GLIS1: variants seen among roughly 807,000 people sequenced by gnomAD.
GLIS1 encodes zinc finger protein GLIS1.
A neutral mutation model predicts 63.8 loss-of-function variants in GLIS1; 24 were observed. The observed-to-expected ratio is 0.38, with a 90% CI of 0.27 to 0.53. The LOEUF is 0.53. GLIS1 is among the 20% of genes least tolerant of loss of function. The pLI is 0.85. For missense variants in GLIS1, 1,036 were observed against 1,074.1 expected (o/e 0.96, Z 0.50); for synonymous variants, 450 against 482.5 (o/e 0.93, Z 0.88).
chr1:53,706,881 C>T (rs1016331444), intron 2 of GLIS1, among the ~76,000 whole-genome samples: 1 of 152,176 alleles, frequency 6.6e-6, no homozygotes, highest in African/African-American at 2.4e-5. Flanking sequence ...AATAGGGAAG[C>T]TGGGGCTGGT....
At chr1:53,663,938 G>GC (rs1189234172) in intron 2 of GLIS1, among the ~76,000 whole-genome samples, 5 of 144,366 alleles carry the variant, frequency 3.5e-5, no homozygotes, top group Non-Finnish European at 1.6e-5. Flanking sequence ...GGAAAGACTA[G>GC]CCGGGGGGCT....
intron 2 of GLIS1, among the ~76,000 whole-genome samples, chr1:53,726,494 T>G (rs1329115028): frequency 6.6e-6 from 1 of 152,140 alleles, no homozygotes; most frequent in Non-Finnish European, 1.5e-5. Flanking sequence ...ATCTTAGGTT[T>G]TAAGAGGAAG....
At chr1:53,527,598 C>G (rs1209404165) in intron 5 of GLIS1, among the ~76,000 whole-genome samples, 1 of 152,232 alleles carries the variant, frequency 6.6e-6, no homozygotes, top group Non-Finnish European at 1.5e-5. Flanking sequence ...ACTTTCCCGC[C>G]CATGGAGAGA....
chr1:53,635,073 A>T (rs79948486), intron 2 of GLIS1, among the ~76,000 whole-genome samples: 8 of 151,860 alleles, frequency 5.3e-5, no homozygotes, highest in Non-Finnish European at 1.0e-4. Context: ...TTTTTTTTTA[A>T]TTCTTTTTTC....
chr1:53,618,937 A>T (rs188604141), intron 2 of GLIS1, among the ~76,000 whole-genome samples: 17 of 152,338 alleles, frequency 1.1e-4, no homozygotes, highest in Admixed American at 2.6e-4. Flanking sequence ...CTTAGGCAGC[A>T]ACCAGACCCT....
At chr1:53,731,992 C>T (rs369093457) in intron 2 of GLIS1, among the ~76,000 whole-genome samples, 27 of 152,336 alleles carry the variant, frequency 1.8e-4, no homozygotes, top group African/African-American at 4.8e-4. Flanking sequence ...GCACAGGGCA[C>T]GGCCCACTTG....
chr1:53,542,815 G>C (rs3889185), intron 4 of GLIS1, among the ~76,000 whole-genome samples: 30,827 of 152,200 alleles, frequency 0.2, 3,514 homozygotes, highest in South Asian at 0.33. Context: ...CAAGGCCCAG[G>C]CTACCTGGGG....
chr1:53,730,088 C>CT (rs1458894044), intron 2 of GLIS1, among the ~76,000 whole-genome samples: 1 of 152,108 alleles, frequency 6.6e-6, no homozygotes, highest in East Asian at 1.9e-4. Context: ...ACTGCTGAAG[C>CT]TACTTAACCA....
At position 53,602,584 on chromosome 1, in the gene GLIS1, G is replaced by T. The variant is rs55982730; in HGVS notation, c.260-2306C>A. 3.7e-3 allele frequency among the ~76,000 whole-genome samples: 560 copies of T among 152,260 alleles called. 2 individuals are homozygous for T. Among genetic ancestry groups the T allele is most frequent in the Non-Finnish European group, 5.1e-3 (350 of 68,014 alleles). On this transcript the variant is annotated intron_variant, in intron 2 of 10. Coordinates refer to ENST00000628545, the MANE Select transcript of GLIS1 (RefSeq NM_001367484.1). ...GTGAAGGAAGGCAGGCCCTAGAAAG[G>T]GTGGACAGCCAGCACCTACCAAGCC...
In GLIS1 at chr1:53,624,943, G is replaced by C. The variant is rs181833919; in HGVS notation, c.260-24665C>G. On this transcript the variant is annotated intron_variant, in intron 2 of 10. Transcript: ENST00000628545. The stretch of plus-strand genomic sequence containing the variant: ...CACACACATGAGAAGGTGCAAAGAT[G>C]CTCTGGAGAAATTAAAATAAAACCA... Among the ~76,000 whole-genome samples, 217 of 152,292 alleles carry C rather than the reference G, an allele frequency of 1.4e-3. 2 individuals are homozygous for C. The highest frequency in any genetic ancestry group is 4.9e-3 in the African/African-American group (205 of 41,556).
chr1:53,549,755 T>G (rs1320262924), intron 4 of GLIS1, among the ~76,000 whole-genome samples: 1 of 152,232 alleles, frequency 6.6e-6, no homozygotes, highest in Non-Finnish European at 1.5e-5. Flanking sequence ...ACTTCCAATG[T>G]TCCAGGCCCT....
At chr1:53,641,474 G>A (rs1052507212) in intron 2 of GLIS1, among the ~76,000 whole-genome samples, 6 of 152,212 alleles carry the variant, frequency 3.9e-5, no homozygotes, top group African/African-American at 1.4e-4. Context: ...AGCACTCTGA[G>A]AAGAGCCTCA....
intron 2 of GLIS1, among the ~76,000 whole-genome samples, chr1:53,735,262 C>G (rs1237721149): frequency 1.3e-5 from 2 of 152,236 alleles, no homozygotes; most frequent in African/African-American, 2.4e-5. Flanking sequence ...AAAATGTAAC[C>G]TTGCTTCCTT....
rs1392751016 is a variant in GLIS1 at position 53,646,691 on chromosome 1, T to A, written c.260-46413A>T. On this transcript the variant is annotated intron_variant, in intron 2 of 10. Transcript: ENST00000628545. The surrounding 1 kb of genome is among the most constrained non-coding windows in gnomAD (Gnocchi z 4.2). ...CAGGTGTGGTGGCGCACATCTGTGG[T>A]CCCAGCTACTTGGGAGGCTAAGGGA... Among the ~76,000 whole-genome samples, 1 of 152,068 alleles carries A rather than the reference T, an allele frequency of 6.6e-6. No individual in the cohort carries two copies. Among genetic ancestry groups the A allele is most frequent in the South Asian group, 2.1e-4 (1 of 4,820 alleles).
At chr1:53,631,830 C>A (rs567405853) in intron 2 of GLIS1, among the ~76,000 whole-genome samples, 3 of 151,768 alleles carry the variant, frequency 2.0e-5, no homozygotes, top group African/African-American at 7.3e-5. Flanking sequence ...GAGGGAACAG[C>A]CAGTGCCAAG....
At position 53,539,551 on chromosome 1, in the gene GLIS1, C is replaced by CA. The variant is rs1335237209; in HGVS notation, c.1321-9600_1321-9599insT. On this transcript the variant is annotated intron_variant, in intron 4 of 10. Coordinates refer to ENST00000628545, the MANE Select transcript of GLIS1 (RefSeq NM_001367484.1). The surrounding 1 kb of genome is among the most constrained non-coding windows in gnomAD (Gnocchi z 5.0). ...ACACATACCACACGGTATACACCCCCCCACACACACTACACATCATACACA... is the reference window on the plus strand; with the variant it reads ...ACACATACCACACGGTATACACCCCCACCACACACACTACACATCATACACA... Among the ~76,000 whole-genome samples the CA allele has an allele frequency of 6.7e-6, 1 of 148,590 alleles. No individual in the cohort carries two copies. Among genetic ancestry groups the CA allele is most frequent in the Non-Finnish European group, 1.5e-5 (1 of 66,482 alleles).
chr1:53,699,505 G>A lies in GLIS1; in HGVS notation c.259+38301C>T, dbSNP rs138831104. Among the ~76,000 whole-genome samples the A allele has an allele frequency of 2.1e-3, 318 of 152,296 alleles. 3 individuals are homozygous for A. The highest frequency in any genetic ancestry group is 7.0e-3 in the African/African-American group (291 of 41,554). Reference sequence around the variant, plus strand: ...GAGATTTGCATTATACTGACCAGTTGAGCATCCCTAGCCTGAGAATCCAAA... The same window carrying A: ...GAGATTTGCATTATACTGACCAGTTAAGCATCCCTAGCCTGAGAATCCAAA... On this transcript the variant is annotated intron_variant, in intron 2 of 10. Transcript: ENST00000628545.
At chr1:53,507,102 C>T (rs563459284) in intron 10 of GLIS1, among the ~76,000 whole-genome samples, 4 of 152,234 alleles carry the variant, frequency 2.6e-5, no homozygotes, top group Non-Finnish European at 5.9e-5. Flanking sequence ...AGGGTAGGAG[C>T]AGCTCAGCCC....
intron 2 of GLIS1, among the ~76,000 whole-genome samples, chr1:53,698,623 T>C (rs1046264283): frequency 6.6e-6 from 1 of 152,192 alleles, no homozygotes; most frequent in African/African-American, 2.4e-5. Flanking sequence ...GGACCTCTGT[T>C]CAGCCCTGCC....
Sources: allele counts gnomAD v4.1 joint callset (sites outside exome capture counted in the v4.1 genomes callset), GRCh38; gene constraint gnomAD v4.1.1; non-coding constraint Gnocchi (gnomAD v3.1); transcripts MANE v1.5; gene names NCBI Gene and HGNC (gene_info 2026-07-23, HGNC 2026-07-21).